Variants in RASSF1 observed in about 807,000 individuals in gnomAD.
RASSF1 encodes the protein Ras association domain family member 1.
RASSF1 carries 33 observed loss-of-function variants against 34.3 expected under a neutral mutation model. That is an observed-to-expected ratio of 0.96 (90% CI 0.73 to 1.29). The LOEUF is 1.29. Among genes scored for constraint, RASSF1 ranks in the 50% most tolerant of loss-of-function variants. RASSF1 has a pLI of 0.00. For missense variants in RASSF1, 445 were observed against 471.8 expected (o/e 0.94, Z 0.53); for synonymous variants, 191 against 195.0 (o/e 0.98, Z 0.17).
At position 50,330,566 on chromosome 3, in the gene RASSF1, TG is replaced by T. The variant is rs1553718143; in HGVS notation, c.*14del. The T allele has an allele frequency of 4.3e-6, 7 of 1,613,442 alleles. No homozygotes were observed. The highest frequency in any genetic ancestry group is 5.9e-6 in the Non-Finnish European group (7 of 1,179,748). ...CGCTGCCTGCTGTCTGCCTTCCACC[TG>T]GGGGTACAAGAGGTCACCCAAGGGG... On this transcript the variant is annotated 3_prime_UTR_variant, in exon 6 of 6. Coordinates refer to ENST00000359365, the MANE Select transcript of RASSF1 (RefSeq NM_007182.5). The surrounding 1 kb of genome is among the most constrained non-coding windows in gnomAD (Gnocchi z 4.5).
intron 2 of RASSF1, chr3:50,337,159 C>T: frequency 1.2e-6 from 2 of 1,601,334 alleles, no homozygotes; most frequent in South Asian, 1.1e-5. Context: ...CCGCCGGCAC[C>T]CCCTGGCTCC....
intron 2 of RASSF1, 86 bp downstream of exon 2, chr3:50,337,819 C>T: frequency 7.6e-7 from 1 of 1,308,974 alleles, no homozygotes; most frequent in Non-Finnish European, 1.1e-6. Context: ...GCTCCTTGCG[C>T]GCGGCACCCA....
Position 50,337,970 on chromosome 3 carries a change from AGAC to A in RASSF1, c.289_291del (p.Val97del), listed in dbSNP as rs1180729100. 1 of 1,609,518 alleles carries A rather than the reference AGAC, an allele frequency of 6.2e-7. No homozygotes were observed. The highest frequency in any genetic ancestry group is 1.3e-5 in the African/African-American group (1 of 74,896). ...TCCCGGGGCCCGCAACAGTCCAGGC[AGAC>A]GAGCGCGCGGCAGCGGTAGTGGCAG... On this transcript the variant is annotated inframe_deletion, in exon 2 of 6. Transcript: ENST00000359365.
chr3:50,337,733 C>G (rs587597325), intron 2 of RASSF1, 172 bp downstream of exon 2: 10 of 868,742 alleles, frequency 1.2e-5, no homozygotes, highest in South Asian at 3.5e-5. Flanking sequence ...CTTGCGGAGC[C>G]GGCAATCCAG....
At chr3:50,333,676 C>T (rs772094864) in intron 2 of RASSF1, among the ~76,000 whole-genome samples, 7 of 152,130 alleles carry the variant, frequency 4.6e-5, no homozygotes, top group Non-Finnish European at 1.0e-4. Context: ...GATGGGATTT[C>T]ACCACATTGG....
chr3:50,337,524 G>T (rs748159964), intron 2 of RASSF1: 5 of 1,518,038 alleles, frequency 3.3e-6, no homozygotes, highest in Non-Finnish European at 4.4e-6. Flanking sequence ...CGCACGCTTC[G>T]CCCCCAGGAA....
chr3:50,331,441 G>T lies in RASSF1; in HGVS notation c.769C>A (p.Arg257=). The T allele has an allele frequency of 6.3e-7, 1 of 1,593,902 alleles. No homozygotes were observed. Among genetic ancestry groups the T allele is most frequent in the Non-Finnish European group, 8.6e-7 (1 of 1,167,630 alleles). The change falls in exon 5 of 6, where the codon CGG becomes AGG. Residue 257 remains arginine, a synonymous_variant. Coordinates refer to ENST00000359365, the MANE Select transcript of RASSF1 (RefSeq NM_007182.5). ...RAERHGQVYL[R]KLLDDEQPLR... Reference sequence around the variant, plus strand: ...GGCTGCTCATCATCCAACAGCTTCCGCAAGTACACTGTGAAGGGGAAGTAA... The same window carrying T: ...GGCTGCTCATCATCCAACAGCTTCCTCAAGTACACTGTGAAGGGGAAGTAA...
At position 50,330,551 on chromosome 3, in the gene RASSF1, T is replaced by G. The variant is rs1367938030; in HGVS notation, c.*30A>C. On this transcript the variant is annotated 3_prime_UTR_variant, in exon 6 of 6. Coordinates refer to ENST00000359365, the MANE Select transcript of RASSF1 (RefSeq NM_007182.5). The surrounding 1 kb of genome is among the most constrained non-coding windows in gnomAD (Gnocchi z 4.5). The stretch of plus-strand genomic sequence containing the variant: ...ACGGCACGCACTTGGCGCTGCCTGC[T>G]GTCTGCCTTCCACCTGGGGGTACAA... The G allele has an allele frequency of 6.2e-7, 1 of 1,612,652 alleles. No homozygotes were observed. The highest frequency in any genetic ancestry group is 8.5e-7 in the Non-Finnish European group (1 of 1,179,480).
At chr3:50,337,269 C>T (rs1467957612) in intron 2 of RASSF1, 4 of 1,613,156 alleles carry the variant, frequency 2.5e-6, no homozygotes, top group South Asian at 1.1e-5. Context: ...AGCCACTGCT[C>T]GTCGTGCTGC....
At position 50,331,324 on chromosome 3, in the gene RASSF1, A is replaced by T. The variant is rs186104861; in HGVS notation, c.876+10T>A. On this transcript the variant is annotated intron_variant, in intron 5 of 5. Coordinates refer to ENST00000359365, the MANE Select transcript of RASSF1 (RefSeq NM_007182.5). ...AGTGACAACCAAGAAACTAAGAACTATGTACTCACGTTCACCTCCCCAGAG... is the reference window on the plus strand; with the variant it reads ...AGTGACAACCAAGAAACTAAGAACTTTGTACTCACGTTCACCTCCCCAGAG... 6.0e-5 allele frequency: 92 copies of T among 1,541,722 alleles called. No homozygotes were observed. The African/African-American group carries it at 1.1e-3, about 19-fold the overall frequency.
intron 2 of RASSF1, among the ~76,000 whole-genome samples, chr3:50,333,251 G>A (rs587731252): frequency 6.6e-6 from 1 of 152,346 alleles, no homozygotes; most frequent in South Asian, 2.1e-4. Flanking sequence ...GAGAGGAGTG[G>A]AGAGTGGTGC....
chr3:50,336,985 G>C, intron 2 of RASSF1: 1 of 824,652 alleles, frequency 1.2e-6, no homozygotes, highest in South Asian at 1.9e-5. Flanking sequence ...CCGGCACCCA[G>C]CATCTAGGCG....
chr3:50,332,224 G>C (rs1479789396), intron 2 of RASSF1, 70 bp from the exon 3 acceptor site: 13 of 1,407,542 alleles, frequency 9.2e-6, no homozygotes, highest in Non-Finnish European at 1.2e-5. Flanking sequence ...ATGGCCTCTG[G>C]GGCAGTCTTT....
At position 50,330,520 on chromosome 3, in the gene RASSF1, ACT is replaced by A; in HGVS notation, c.*59_*60del. 1 of 1,594,580 alleles carries A rather than the reference ACT, an allele frequency of 6.3e-7. No homozygotes were observed. The highest frequency in any genetic ancestry group is 8.6e-7 in the Non-Finnish European group (1 of 1,166,406). ...CCACAGGCCCCACTGGCCCTGTCAC[ACT>A]CACACGGCACGCACTTGGCGCTGCC... On this transcript the variant is annotated 3_prime_UTR_variant, in exon 6 of 6. Transcript: ENST00000359365. This position sits in a 1 kb window ranked among gnomAD's most constrained non-coding sequence, Gnocchi z 4.5.
In RASSF1 at chr3:50,330,806, A is replaced by G. The variant is rs1702910815; in HGVS notation, c.877-79T>C. On this transcript the variant is annotated intron_variant, in intron 5 of 5. Transcript: ENST00000359365. This position sits in a 1 kb window ranked among gnomAD's most constrained non-coding sequence, Gnocchi z 4.5. ...CAGACCCTCCCCAGAGAAGACTAGC[A>G]CCTCATGTTCACACAAGCTAGGACT... 6.8e-7 allele frequency: 1 copy of G among 1,470,832 alleles called. No individual in the cohort carries two copies. The highest frequency in any genetic ancestry group is 9.3e-7 in the Non-Finnish European group (1 of 1,075,346). 91.1% of individuals were successfully genotyped at this position (1,470,832 alleles called of 1,614,324 possible). A position where few individuals can be genotyped will look rare whatever the true frequency, so the allele number is the denominator to read the frequency against.
chr3:50,338,422 G>A (rs587701412), intron 1 of RASSF1: 72 of 163,790 alleles, frequency 4.4e-4, no homozygotes, highest in African/African-American at 1.7e-3. Flanking sequence ...TAGGATTACA[G>A]GCGCCCGCCA....
chr3:50,331,425 TCATC>T lies in RASSF1; in HGVS notation c.781_784del (p.Asp261MetfsTer18). 6.2e-7 allele frequency: 1 copy of T among 1,601,788 alleles called. No homozygotes were observed. The highest frequency in any genetic ancestry group is 8.5e-7 in the Non-Finnish European group (1 of 1,172,422). On this transcript the variant is annotated frameshift_variant, in exon 5 of 6. Transcript: ENST00000359365. LOFTEE classifies it high-confidence loss of function. ...GAGCCGCAGCCGCAGGGGCTGCTCA[TCATC>T]CAACAGCTTCCGCAAGTACACTGTG...
intron 2 of RASSF1, among the ~76,000 whole-genome samples, chr3:50,335,708 C>G (rs1028378696): frequency 6.6e-6 from 1 of 150,930 alleles, no homozygotes; most frequent in Admixed American, 6.6e-5. Flanking sequence ...CTTTGCCTCC[C>G]GGTTGAAGTG....
Position 50,330,907 on chromosome 3 carries a change from C to T in RASSF1, c.877-180G>A, listed in dbSNP as rs1575538958. Among the ~76,000 whole-genome samples, 1 of 152,172 alleles carries T rather than the reference C, an allele frequency of 6.6e-6. No homozygotes were observed. The stretch of plus-strand genomic sequence containing the variant: ...GACAGCAGTTTGTATGGAAGATGGG[C>T]CCTACAAAACGGTCACCTTACTGAG... On this transcript the variant is annotated intron_variant, in intron 5 of 5. Coordinates refer to ENST00000359365, the MANE Select transcript of RASSF1 (RefSeq NM_007182.5). This position sits in a 1 kb window ranked among gnomAD's most constrained non-coding sequence, Gnocchi z 4.5.
Sources: gnomAD v4.1 joint callset for allele counts (sites outside exome capture counted in the v4.1 genomes callset) on GRCh38, gnomAD v4.1.1 for gene constraint, Gnocchi (gnomAD v3.1) non-coding constraint, MANE v1.5 for transcripts, NCBI Gene and HGNC (gene_info 2026-07-23, HGNC 2026-07-21) for gene names.